Variants in ITSN2 observed in about 807,000 individuals in gnomAD.
ITSN2 encodes intersectin 2, also known as intersectin-2.
ITSN2 carries 156 observed loss-of-function variants against 243.7 expected under a neutral mutation model. The ratio of observed to expected loss-of-function variants is 0.64; its 90% CI spans 0.56 to 0.73. The LOEUF (loss-of-function observed/expected upper bound fraction) is 0.73. Among genes scored for constraint, ITSN2 ranks in the 30% least tolerant of loss-of-function variants. ITSN2 has a pLI of 0.00. For missense variants in ITSN2, 1,801 were observed against 1,996.1 expected, an observed-to-expected ratio of 0.90 and a Z score of 1.86; for synonymous variants, 703 against 699.9, an observed-to-expected ratio of 1.00 and a Z score of -0.07.
intron 35 of ITSN2, 78 bp from the exon 36 acceptor site, chr2:24,209,299 G>A: frequency 6.4e-7 from 1 of 1,568,636 alleles, no homozygotes; most frequent in Non-Finnish European, 8.7e-7. Context: ...AGAGAGTTCT[G>A]TTTGTTCTGA....
chr2:24,347,091 C>T (rs909906938), intron 1 of ITSN2, among the ~76,000 whole-genome samples: 1 of 151,988 alleles, frequency 6.6e-6, no homozygotes, highest in African/African-American at 2.4e-5. Context: ...TCTTGAACTC[C>T]TGACCTTGTG....
intron 29 of ITSN2, among the ~76,000 whole-genome samples, chr2:24,238,452 T>G (rs1392373512): frequency 1.3e-5 from 2 of 152,204 alleles, no homozygotes; most frequent in African/African-American, 4.8e-5. Context: ...CCCAAGGGCT[T>G]ATACGACCAC....
In ITSN2 at chr2:24,236,864, T is replaced by A. The variant is rs540124507; in HGVS notation, c.3577+9265A>T. Among the ~76,000 whole-genome samples, 499 of 150,570 alleles carry A rather than the reference T, an allele frequency of 3.3e-3. 2 individuals are homozygous for A. The highest frequency in any genetic ancestry group is 4.5e-3 in the Non-Finnish European group (301 of 67,404). ...TCTATCTATCTATCTATCTTTTATT[T>A]TTTATTTTTTTTTGTAGAGACAGGT... is the stretch of plus-strand genomic sequence containing the variant. On this transcript the variant is annotated intron_variant, in intron 29 of 39. Coordinates refer to ENST00000355123, the MANE Select transcript of ITSN2 (RefSeq NM_006277.3).
intron 22 of ITSN2, among the ~76,000 whole-genome samples, chr2:24,259,737 T>G (rs1675560401): frequency 6.6e-6 from 1 of 152,330 alleles, no homozygotes; most frequent in Admixed American, 6.5e-5. Context: ...TTGAAGACCC[T>G]ACTCAAATAC....
chr2:24,248,508 T>C, intron 27 of ITSN2, 121 bp downstream of exon 27: 2 of 695,422 alleles, frequency 2.9e-6, no homozygotes, highest in Non-Finnish European at 4.5e-6. Context: ...AATATTGATA[T>C]TGATTACCTC....
At position 24,306,603 on chromosome 2, in the gene ITSN2, G is replaced by A. The variant is rs796101642; in HGVS notation, c.793+2014C>T. 1.6e-4 allele frequency among the ~76,000 whole-genome samples: 24 copies of A among 152,132 alleles called. 1 individual carries two copies. Among genetic ancestry groups the A allele is most frequent in the African/African-American group, 5.3e-4 (22 of 41,490 alleles). On this transcript the variant is annotated intron_variant, in intron 8 of 39. Transcript: ENST00000355123. Reference sequence around the variant, plus strand: ...ACTGTCATTTATCTATTCTCCTGTCGATGAACATTTAGGTTGTGAACATTT... The same window carrying A: ...ACTGTCATTTATCTATTCTCCTGTCAATGAACATTTAGGTTGTGAACATTT...
chr2:24,252,269 A>G, intron 25 of ITSN2, 76 bp downstream of exon 25: 2 of 1,084,344 alleles, frequency 1.8e-6, no homozygotes, highest in South Asian at 3.0e-5. Flanking sequence ...GAATGGGTTG[A>G]TTTTATTTTT....
chr2:24,314,440 C>A (rs1364955418), intron 3 of ITSN2, among the ~76,000 whole-genome samples: 1 of 152,156 alleles, frequency 6.6e-6, no homozygotes, highest in Non-Finnish European at 1.5e-5. Flanking sequence ...TAACCTTAGG[C>A]AGTTACATAA....
At chr2:24,245,918 T>C (rs996990743) in intron 29 of ITSN2, among the ~76,000 whole-genome samples, 2 of 152,236 alleles carry the variant, frequency 1.3e-5, no homozygotes, top group Admixed American at 6.5e-5. Context: ...TTAAGTCTAA[T>C]ACGAAAGTCT....
intron 29 of ITSN2, among the ~76,000 whole-genome samples, chr2:24,231,041 G>A (rs1311200076): frequency 2.6e-5 from 4 of 151,858 alleles, no homozygotes; most frequent in Non-Finnish European, 5.9e-5. Flanking sequence ...CCAGATATCC[G>A]CATGGCTCCC....
intron 15 of ITSN2, among the ~76,000 whole-genome samples, chr2:24,292,886 G>A (rs1235810322): frequency 4.6e-5 from 7 of 152,018 alleles, no homozygotes; most frequent in African/African-American, 1.7e-4. Flanking sequence ...GCAAAGAAGG[G>A]GATACTATTT....
intron 1 of ITSN2, among the ~76,000 whole-genome samples, chr2:24,348,190 ATTTTTTTTT>A (rs67272042): frequency 1.0e-5 from 1 of 97,786 alleles, no homozygotes; most frequent in Non-Finnish European, 2.1e-5. Flanking sequence ...AAATACTATG[ATTTTTTTTT>A]TTTTTTTTTT....
intron 1 of ITSN2, among the ~76,000 whole-genome samples, chr2:24,350,364 C>T (rs1687916741): frequency 6.6e-6 from 1 of 152,228 alleles, no homozygotes; most frequent in Admixed American, 6.5e-5. Context: ...AACCCACATA[C>T]ATTGCTGGTG....
chr2:24,342,381 T>A (rs983534331), intron 1 of ITSN2, among the ~76,000 whole-genome samples: 3 of 151,558 alleles, frequency 2.0e-5, no homozygotes, highest in African/African-American at 7.3e-5. Flanking sequence ...AAATTTCTTA[T>A]AGAGGTGCAG....
chr2:24,317,130 C>CA (rs1206692474), intron 2 of ITSN2, among the ~76,000 whole-genome samples: 2 of 152,334 alleles, frequency 1.3e-5, no homozygotes, highest in East Asian at 3.9e-4. Flanking sequence ...CCTGTAATCC[C>CA]AGCACTTTGG....
At chr2:24,310,257 A>G (rs772287487) in intron 7 of ITSN2, 27 bp downstream of exon 7, 15 of 1,417,560 alleles carry the variant, frequency 1.1e-5, no homozygotes, top group Non-Finnish European at 1.5e-5. Flanking sequence ...GAAAGCATAA[A>G]AAGTTGTCAG....
intron 1 of ITSN2, among the ~76,000 whole-genome samples, chr2:24,342,077 T>C (rs1574378760): frequency 6.6e-6 from 1 of 152,178 alleles, no homozygotes; most frequent in Admixed American, 6.5e-5. Flanking sequence ...GGGACAGATA[T>C]TTCTGTCTCT....
intron 18 of ITSN2, among the ~76,000 whole-genome samples, 196 bp from the exon 19 acceptor site, chr2:24,272,137 T>C (rs1445874925): frequency 6.6e-6 from 1 of 152,140 alleles, no homozygotes; most frequent in Non-Finnish European, 1.5e-5. Flanking sequence ...TTTGGAAGCT[T>C]TGGATTGATT....
chr2:24,279,234 A>G (rs1424009197), intron 17 of ITSN2, among the ~76,000 whole-genome samples: 1 of 152,182 alleles, frequency 6.6e-6, no homozygotes, highest in Non-Finnish European at 1.5e-5. Flanking sequence ...GGTATTACTA[A>G]CGTAGATTAC....
Sources: allele counts gnomAD v4.1 joint callset (sites outside exome capture counted in the v4.1 genomes callset), GRCh38; gene constraint gnomAD v4.1.1; transcripts MANE v1.5; gene names NCBI Gene and HGNC (gene_info 2026-07-23, HGNC 2026-07-21).